Variants in HLCS observed in about 807,000 individuals in gnomAD.
HLCS encodes the protein biotin--protein ligase.
A neutral mutation model predicts 75.0 loss-of-function variants in HLCS; 53 were observed. That is an observed-to-expected ratio of 0.71 (90% CI 0.57 to 0.89). HLCS has a LOEUF of 0.89. Among genes scored for constraint, HLCS ranks in the 40% least tolerant of loss-of-function variants. HLCS has a pLI of 0.00. For synonymous variants in HLCS, 431 were observed against 428.6 expected, an observed-to-expected ratio of 1.01 and a Z score of -0.07; for missense variants, 966 against 1,074.0, an observed-to-expected ratio of 0.90 and a Z score of 1.41.
rs1462463299 is a variant in HLCS at position 36,765,159 on chromosome 21, A to G, written c.1974T>C (p.Asn658=). The G allele has an allele frequency of 6.2e-7, 1 of 1,614,116 alleles. No homozygotes were observed. Among genetic ancestry groups the G allele is most frequent in the East Asian group, 2.2e-5 (1 of 44,876 alleles). The change falls in exon 8 of 11, where the codon AAT becomes AAC. Residue 658 remains asparagine, a synonymous_variant. Coordinates refer to ENST00000674895, the MANE Select transcript of HLCS (RefSeq NM_001352514.2). ...RQTEGKGRGG[N]VWLSPVGCAL... is the part of the protein sequence containing the mutation. ...CACATCCCACAGGGCTCAGCCACAC[A>G]TTCCCTCCCCGTCCTGGAACACAGG...
intron 6 of HLCS, among the ~76,000 whole-genome samples, chr21:36,793,246 G>A (rs2060923712): frequency 6.6e-6 from 1 of 151,272 alleles, no homozygotes; most frequent in African/African-American, 2.4e-5. Flanking sequence ...TCATCCACAG[G>A]TGTGTGCCTG....
At chr21:36,793,842 G>C (rs533291515) in intron 6 of HLCS, among the ~76,000 whole-genome samples, 1 of 152,186 alleles carries the variant, frequency 6.6e-6, no homozygotes, top group African/African-American at 2.4e-5. Flanking sequence ...GTCCCTTTAC[G>C]GCCAAGAGAC....
In HLCS at chr21:36,759,611, C is replaced by T. The variant is rs945399812; in HGVS notation, c.2236+116G>A. 9.8e-6 allele frequency: 7 copies of T among 713,428 alleles called. No individual in the cohort carries two copies. The African/African-American group carries it at 1.1e-4, about 11-fold the overall frequency. The allele number at this position is 713,428 out of a possible 1,614,324, so 44.2% of individuals were successfully genotyped here. A position where few individuals can be genotyped will look rare whatever the true frequency, so the allele number is the denominator to read the frequency against. The stretch of plus-strand genomic sequence containing the variant: ...TATACCCTGCTCCAAAACTACAAGA[C>T]TCAAAGTAACCTCATATGATAATCT... On this transcript the variant is annotated intron_variant, in intron 9 of 10. Coordinates refer to ENST00000674895, the MANE Select transcript of HLCS (RefSeq NM_001352514.2).
At chr21:36,938,783 C>G in intron 3 of HLCS, 49 bp downstream of exon 3, 1 of 1,589,944 alleles carries the variant, frequency 6.3e-7, no homozygotes, top group African/African-American at 1.3e-5. Context: ...GGATTACAGG[C>G]ATGAGCCACT....
chr21:36,878,396 C>T (rs960283096), intron 6 of HLCS, among the ~76,000 whole-genome samples: 2 of 152,066 alleles, frequency 1.3e-5, no homozygotes, highest in African/African-American at 4.8e-5. Flanking sequence ...AAGAAACATA[C>T]AATTCTAATT....
intron 6 of HLCS, among the ~76,000 whole-genome samples, chr21:36,790,677 G>T (rs1322170857): frequency 6.6e-6 from 1 of 152,160 alleles, no homozygotes; most frequent in Non-Finnish European, 1.5e-5. Context: ...GGAGAAAAAC[G>T]CAAACGGACG....
intron 2 of HLCS, among the ~76,000 whole-genome samples, chr21:36,955,709 T>G (rs556536840): frequency 3.9e-5 from 6 of 152,238 alleles, no homozygotes; most frequent in African/African-American, 9.6e-5. Context: ...GTACAGTGTT[T>G]ATAAAGTCTA....
intron 5 of HLCS, among the ~76,000 whole-genome samples, chr21:36,922,487 C>G (rs536685322): frequency 3.3e-5 from 5 of 152,276 alleles, no homozygotes; most frequent in Non-Finnish European, 7.4e-5. Flanking sequence ...GCATGCTGTA[C>G]CTGGGGAGAC....
chr21:36,898,462 A>AAAAAAG (rs1348319073), intron 5 of HLCS, among the ~76,000 whole-genome samples: 1 of 151,286 alleles, frequency 6.6e-6, no homozygotes, highest in African/African-American at 2.4e-5. Context: ...AAAAAAAAAA[A>AAAAAAG]AAAAGACAAG....
chr21:36,989,358 T>C lies in HLCS; in HGVS notation c.-393+800A>G, dbSNP rs921260970. Among the ~76,000 whole-genome samples the C allele has an allele frequency of 5.3e-4, 74 of 140,282 alleles. 2 individuals are homozygous for C. Among genetic ancestry groups the C allele is most frequent in the South Asian group, 7.3e-4 (3 of 4,122 alleles). The allele number at this position is 140,282 out of a possible 152,430, so 92.0% of individuals were successfully genotyped here. A position where few individuals can be genotyped will look rare whatever the true frequency, so the allele number is the denominator to read the frequency against. On this transcript the variant is annotated intron_variant, in intron 1 of 11. Transcript: ENST00000336648. Reference sequence around the variant, plus strand: ...TTTTTTAATGAGACGGAGTTCGCTCTTGTCGTCCAGGCTGGAGTGCAGCGG... The same window carrying C: ...TTTTTTAATGAGACGGAGTTCGCTCCTGTCGTCCAGGCTGGAGTGCAGCGG...
At chr21:36,878,990 G>A (rs2064094670) in intron 6 of HLCS, among the ~76,000 whole-genome samples, 1 of 98 alleles carries the variant, frequency 0.01, no homozygotes, top group African/African-American at 0.031. Flanking sequence ...GGGGAACCAT[G>A]ATGATACTAT....
At chr21:36,811,588 G>C (rs987477113) in intron 6 of HLCS, among the ~76,000 whole-genome samples, 1 of 152,364 alleles carries the variant, frequency 6.6e-6, no homozygotes, top group East Asian at 1.9e-4. Flanking sequence ...GCTTGATACA[G>C]TGGAACTTGG....
intron 6 of HLCS, 146 bp downstream of exon 6, chr21:36,896,714 T>TG: frequency 1.1e-6 from 1 of 893,254 alleles, no homozygotes; most frequent in Non-Finnish European, 1.8e-6. Flanking sequence ...ATTTAACTCT[T>TG]CTAGGACAAG....
chr21:36,882,524 T>A (rs1381880453), intron 6 of HLCS, among the ~76,000 whole-genome samples: 1 of 151,508 alleles, frequency 6.6e-6, no homozygotes, highest in African/African-American at 2.4e-5. Flanking sequence ...CACTGCAACC[T>A]CCACCTCCTG....
chr21:36,838,297 A>G lies in HLCS; in HGVS notation c.1892+58563T>C, dbSNP rs572620793. ...CTTTCTTTCTGCAGTGGGGTGAATG[A>G]TCACACACACACACACACACACACA... On this transcript the variant is annotated intron_variant, in intron 6 of 10. Transcript: ENST00000674895. Among the ~76,000 whole-genome samples the G allele has an allele frequency of 6.2e-5, 7 of 113,636 alleles. No homozygotes were observed. The East Asian group carries it at 1.7e-3, about 28-fold the overall frequency. 74.5% of individuals were successfully genotyped at this position (113,636 alleles called of 152,430 possible). A position where few individuals can be genotyped will look rare whatever the true frequency, so the allele number is the denominator to read the frequency against.
chr21:36,853,649 C>G (rs1250598427), intron 6 of HLCS, among the ~76,000 whole-genome samples: 1 of 152,162 alleles, frequency 6.6e-6, no homozygotes, highest in Non-Finnish European at 1.5e-5. Flanking sequence ...AGTAAAGTCT[C>G]TTAACTATCC....
chr21:36,809,307 T>G (rs901485064), intron 6 of HLCS, among the ~76,000 whole-genome samples: 2 of 152,226 alleles, frequency 1.3e-5, no homozygotes, highest in African/African-American at 4.8e-5. Flanking sequence ...AGGTTTCCAG[T>G]GAGAAGTCAG....
At chr21:36,897,366 C>G (rs763776044) in intron 5 of HLCS, among the ~76,000 whole-genome samples, 13 of 152,176 alleles carry the variant, frequency 8.5e-5, no homozygotes, top group Non-Finnish European at 1.9e-4. Flanking sequence ...AAAATCAGTT[C>G]AGTTCATGAT....
intron 6 of HLCS, among the ~76,000 whole-genome samples, chr21:36,788,209 T>TCCCTGAATGTG (rs2060751205): frequency 1.3e-5 from 2 of 152,174 alleles, no homozygotes; most frequent in African/African-American, 4.8e-5. Flanking sequence ...TTCCTGAATG[T>TCCCTGAATGTG]CCCTAAGGGG....
Sources: gnomAD v4.1 joint callset for allele counts (sites outside exome capture counted in the v4.1 genomes callset) on GRCh38, gnomAD v4.1.1 for gene constraint, MANE v1.5 for transcripts, NCBI Gene and HGNC (gene_info 2026-07-23, HGNC 2026-07-21) for gene names.